HACL1: variants seen among roughly 807,000 people sequenced by gnomAD.
The protein encoded by HACL1 is 1600020H07Rik.
In HACL1, 64 loss-of-function variants were observed where a neutral mutation model predicts 74.2. The observed-to-expected ratio is 0.86, with a 90% CI of 0.70 to 1.06. The LOEUF is 1.06. Among genes scored for constraint, HACL1 ranks in the 50% least tolerant of loss-of-function variants. The pLI is 0.00. For missense variants in HACL1, 728 were observed against 719.7 expected (o/e 1.01, Z -0.13); for synonymous variants, 230 against 238.8 (o/e 0.96, Z 0.34).
At position 15,567,857 on chromosome 3, in the gene HACL1, C is replaced by T. The variant is rs1030446345; in HGVS notation, c.1396G>A (p.Glu466Lys). Residue 466 changes from glutamate (E) to lysine (K), a missense_variant, in exon 14 of 17, where the codon GAA becomes AAA. Coordinates refer to ENST00000321169, the MANE Select transcript of HACL1 (RefSeq NM_012260.4). Reference protein sequence around the residue: ...SAFGFSGMEVETICRYNLPII... With the variant: ...SAFGFSGMEVKTICRYNLPII... ...ATGATGTTTTACCTGCAGATGGTTT[C>T]TACCTCCATGCCAGAAAACCCAAAT... The T allele has an allele frequency of 1.2e-6, 2 of 1,613,752 alleles. No homozygotes were observed. Among genetic ancestry groups the T allele is most frequent in the Non-Finnish European group, 1.7e-6 (2 of 1,179,710 alleles).
chr3:15,592,392 G>A (rs1298547165), intron 3 of HACL1, among the ~76,000 whole-genome samples: 2 of 141,232 alleles, frequency 1.4e-5, no homozygotes, highest in African/African-American at 3.0e-5. Context: ...ATACACACAC[G>A]TGTATACATG....
intron 8 of HACL1, among the ~76,000 whole-genome samples, chr3:15,581,333 CTATTT>C (rs1220421398): frequency 1.3e-5 from 2 of 151,522 alleles, no homozygotes; most frequent in Admixed American, 1.3e-4. Flanking sequence ...TTTTTTTTTG[CTATTT>C]TATAATTTTT....
chr3:15,573,398 A>C (rs564419782), intron 10 of HACL1, among the ~76,000 whole-genome samples, 156 bp from the exon 11 acceptor site: 1 of 152,378 alleles, frequency 6.6e-6, no homozygotes, highest in South Asian at 2.1e-4. Flanking sequence ...AAAAGTCCAT[A>C]GAACTATATT....
chr3:15,573,275 T>C, intron 10 of HACL1, 33 bp from the exon 11 acceptor site: 3 of 1,279,354 alleles, frequency 2.3e-6, no homozygotes, highest in Non-Finnish European at 3.4e-6. Flanking sequence ...GAACAACCCA[T>C]GTTTATTCTG....
At chr3:15,596,191 T>C (rs926367339) in intron 3 of HACL1, 193 bp downstream of exon 3, 1 of 543,372 alleles carries the variant, frequency 1.8e-6, no homozygotes, top group African/African-American at 1.9e-5. Flanking sequence ...TGGCAATGTG[T>C]TCCACTCTGA....
At chr3:15,588,711 C>T (rs907331859) in intron 5 of HACL1, among the ~76,000 whole-genome samples, 1 of 152,058 alleles carries the variant, frequency 6.6e-6, no homozygotes, top group Non-Finnish European at 1.5e-5. Flanking sequence ...AGCCTAGTAG[C>T]TGAGTAGCTA....
chr3:15,578,879 AG>A (rs1368951195), intron 9 of HACL1, among the ~76,000 whole-genome samples: 1 of 152,174 alleles, frequency 6.6e-6, no homozygotes, highest in African/African-American at 2.4e-5. Context: ...AGCCAGGAAA[AG>A]GGGCAACTGA....
At chr3:15,568,734 A>C (rs1384840879) in intron 12 of HACL1, 148 bp from the exon 13 acceptor site, 2 of 589,466 alleles carry the variant, frequency 3.4e-6, no homozygotes, top group Non-Finnish European at 6.0e-6. Context: ...CCACTCTGAG[A>C]AGTTGGCTGA....
chr3:15,588,149 C>G (rs1373393458), intron 5 of HACL1, among the ~76,000 whole-genome samples: 1 of 152,196 alleles, frequency 6.6e-6, no homozygotes, highest in African/African-American at 2.4e-5. Context: ...ACGCTTGGGG[C>G]TCCCAAAGTG....
At chr3:15,593,502 AG>A (rs978566903) in intron 3 of HACL1, among the ~76,000 whole-genome samples, 1 of 151,984 alleles carries the variant, frequency 6.6e-6, no homozygotes, top group African/African-American at 2.4e-5. Context: ...TACAGGCATA[AG>A]CCAGCATGCC....
At position 15,595,359 on chromosome 3, in the gene HACL1, T is replaced by C. The variant is rs569822487; in HGVS notation, c.227+1025A>G. ...AAGTTCCTTATCACAGAAAAAAAACTATTCTGGTGAGGTCTAGACTTTGAG... is the reference window on the plus strand; with the variant it reads ...AAGTTCCTTATCACAGAAAAAAAACCATTCTGGTGAGGTCTAGACTTTGAG... On this transcript the variant is annotated intron_variant, in intron 3 of 16. Transcript: ENST00000321169. 1.2e-4 allele frequency among the ~76,000 whole-genome samples: 19 copies of C among 152,294 alleles called. No individual in the cohort carries two copies. In the South Asian group the frequency reaches 3.9e-3, roughly 32 times the overall value.
At chr3:15,592,555 T>G (rs1021265119) in intron 3 of HACL1, among the ~76,000 whole-genome samples, 8 of 147,696 alleles carry the variant, frequency 5.4e-5, no homozygotes, top group East Asian at 2.0e-4. Context: ...CGCACATGTG[T>G]GCGTGTATAC....
intron 7 of HACL1, among the ~76,000 whole-genome samples, chr3:15,583,332 C>T (rs2063743041): frequency 6.6e-6 from 1 of 152,168 alleles, no homozygotes; most frequent in Non-Finnish European, 1.5e-5. Context: ...CATCTAATAA[C>T]CAGTGAAATG....
At chr3:15,599,230 C>G (rs1219160175) in intron 2 of HACL1, among the ~76,000 whole-genome samples, 1 of 152,254 alleles carries the variant, frequency 6.6e-6, no homozygotes, top group African/African-American at 2.4e-5. Context: ...CAGGAACTAT[C>G]ATTCATCTCT....
intron 10 of HACL1, 52 bp downstream of exon 10, chr3:15,574,921 TAGGG>T: frequency 1.3e-6 from 1 of 787,376 alleles, no homozygotes; most frequent in Non-Finnish European, 2.2e-6. Flanking sequence ...TTACGGCTGA[TAGGG>T]AGAATAATGA....
intron 3 of HACL1, among the ~76,000 whole-genome samples, chr3:15,594,652 T>C (rs2125289615): frequency 6.6e-6 from 1 of 152,328 alleles, no homozygotes; most frequent in African/African-American, 2.4e-5. Flanking sequence ...TGCAGTATGA[T>C]ACGGTAGCCA....
chr3:15,574,287 A>G (rs1304759427), intron 10 of HACL1, among the ~76,000 whole-genome samples: 5 of 152,210 alleles, frequency 3.3e-5, no homozygotes, highest in Non-Finnish European at 5.9e-5. Context: ...AGGATCACTT[A>G]AGCTCGAGAG....
In HACL1 at chr3:15,563,425, A is replaced by G. The variant is rs2063379684; in HGVS notation, c.1637T>C (p.Leu546Pro). ...AAGAGAAGGTTTAGTTGTGTCTGCT[A>G]GGCTCTGCCTCAGGGATTTTTGGAG... ...EELQKSLRQS[L>P]ADTTKPSLIN... The change falls in exon 16 of 17, where the codon CTA becomes CCA. Residue 546 changes from leucine to proline, a missense_variant. Transcript: ENST00000321169. The G allele has an allele frequency of 6.2e-7, 1 of 1,613,366 alleles. No individual in the cohort carries two copies. Among genetic ancestry groups the G allele is most frequent in the Non-Finnish European group, 8.5e-7 (1 of 1,179,404 alleles).
At chr3:15,561,003 G>A in intron 16 of HACL1, 106 bp from the exon 17 acceptor site, 1 of 852,530 alleles carries the variant, frequency 1.2e-6, no homozygotes, top group Non-Finnish European at 1.9e-6. Context: ...CACAATGGTG[G>A]CAAAATGAGG....
Sources: allele counts gnomAD v4.1 joint callset (sites outside exome capture counted in the v4.1 genomes callset), GRCh38; gene constraint gnomAD v4.1.1; transcripts MANE v1.5; gene names NCBI Gene and HGNC (gene_info 2026-07-23, HGNC 2026-07-21).